Variants in TAF1B observed in about 807,000 individuals in gnomAD.
The protein encoded by TAF1B is TATA box-binding protein-associated factor RNA polymerase I subunit B.
A neutral mutation model predicts 83.9 loss-of-function variants in TAF1B; 61 were observed. The observed-to-expected ratio is 0.73, with a 90% CI of 0.59 to 0.90. TAF1B has a LOEUF of 0.90. TAF1B is among the 40% of genes least tolerant of loss of function. The pLI, the probability that TAF1B is intolerant of heterozygous loss-of-function variation, is 0.00. For synonymous variants in TAF1B, 221 were observed against 224.6 expected (o/e 0.98, Z 0.14); for missense variants, 625 against 677.0 (o/e 0.92, Z 0.85).
Position 9,890,488 on chromosome 2 carries a change from A to T in TAF1B, c.807+7683A>T, listed in dbSNP as rs184139124. On this transcript the variant is annotated intron_variant, in intron 8 of 14. Coordinates refer to ENST00000263663, the MANE Select transcript of TAF1B (RefSeq NM_005680.3). ...GCTCACTCATTCTTGGATTTTTTTA[A>T]AAAAAAATTGTAGTCTCTGTTCATG... Among the ~76,000 whole-genome samples the T allele has an allele frequency of 7.0e-3, 1,072 of 152,110 alleles. 10 individuals are homozygous for T. Among genetic ancestry groups the T allele is most frequent in the South Asian group, 0.018 (88 of 4,818 alleles).
At chr2:9,855,682 CA>C (rs890059001) in intron 5 of TAF1B, among the ~76,000 whole-genome samples, 4 of 149,726 alleles carry the variant, frequency 2.7e-5, no homozygotes, top group African/African-American at 9.8e-5. Context: ...AGACTTGTCT[CA>C]AAAAAAAAGA....
At position 9,920,586 on chromosome 2, in the gene TAF1B, C is replaced by T. The variant is rs60811376; in HGVS notation, c.1565+766C>T. ...GGCGTCTGTAGACTGGGGCGGGGGGCGGGGGGTCCATTTGCCCCTCAGGTG... is the reference window on the plus strand; with the variant it reads ...GGCGTCTGTAGACTGGGGCGGGGGGTGGGGGGTCCATTTGCCCCTCAGGTG... On this transcript the variant is annotated intron_variant, in intron 14 of 14. Coordinates refer to ENST00000263663, the MANE Select transcript of TAF1B (RefSeq NM_005680.3). Among the ~76,000 whole-genome samples the T allele has an allele frequency of 2.3e-3, 261 of 113,294 alleles. 1 individual carries two copies. The highest frequency in any genetic ancestry group is 2.0e-3 in the Non-Finnish European group (112 of 56,468). The allele number at this position is 113,294 out of a possible 152,430, so 74.3% of individuals were successfully genotyped here.
chr2:9,885,321 A>G (rs903816332), intron 8 of TAF1B, among the ~76,000 whole-genome samples: 21 of 152,256 alleles, frequency 1.4e-4, no homozygotes, highest in African/African-American at 4.8e-4. Context: ...ATGAGATCAC[A>G]GATGTCAAAG....
chr2:9,856,246 T>C (rs1179631661), intron 5 of TAF1B, among the ~76,000 whole-genome samples: 3 of 150,518 alleles, frequency 2.0e-5, no homozygotes, highest in Admixed American at 1.3e-4. Flanking sequence ...TACGGGATAG[T>C]GATGGTTAAA....
intron 8 of TAF1B, among the ~76,000 whole-genome samples, chr2:9,900,648 T>A (rs115516492): frequency 1.4e-3 from 215 of 152,000 alleles, no homozygotes; most frequent in African/African-American, 4.4e-3. Context: ...TGGGGTAGAG[T>A]TGTTAAAGTG....
chr2:9,850,297 G>A (rs1182860078), intron 3 of TAF1B, among the ~76,000 whole-genome samples: 1 of 152,070 alleles, frequency 6.6e-6, no homozygotes, highest in Non-Finnish European at 1.5e-5. Flanking sequence ...TAGGTGTTAA[G>A]TATCTTATAG....
chr2:9,860,283 T>C (rs567511454), intron 5 of TAF1B, among the ~76,000 whole-genome samples: 1 of 152,318 alleles, frequency 6.6e-6, no homozygotes, highest in Non-Finnish European at 1.5e-5. Context: ...AAGTCTGCAG[T>C]TCAGGAGAGA....
chr2:9,920,645 G>A (rs183096618), intron 14 of TAF1B, among the ~76,000 whole-genome samples: 19 of 152,088 alleles, frequency 1.2e-4, no homozygotes, highest in Non-Finnish European at 2.2e-4. Flanking sequence ...GTGCTGTGTC[G>A]TTTTTCCACA....
chr2:9,911,458 C>G, intron 10 of TAF1B, 53 bp from the exon 11 acceptor site: 1 of 1,359,406 alleles, frequency 7.4e-7, no homozygotes, highest in Non-Finnish European at 1.0e-6. Flanking sequence ...CAGAATTTAT[C>G]TTTCCAAATA....
intron 3 of TAF1B, among the ~76,000 whole-genome samples, chr2:9,849,809 T>C (rs541843145): frequency 1.3e-5 from 2 of 152,194 alleles, no homozygotes; most frequent in African/African-American, 4.8e-5. Context: ...TCAACATGAG[T>C]GTGCTTTGAA....
chr2:9,848,639 C>G (rs1297117520), intron 2 of TAF1B, among the ~76,000 whole-genome samples: 1 of 150,978 alleles, frequency 6.6e-6, no homozygotes, highest in Non-Finnish European at 1.5e-5. Context: ...GCACTCCAGC[C>G]TGGGCGACGA....
chr2:9,879,632 T>C (rs1015452889), intron 7 of TAF1B, among the ~76,000 whole-genome samples: 2 of 152,026 alleles, frequency 1.3e-5, no homozygotes, highest in Non-Finnish European at 2.9e-5. Context: ...GCAAGAGCTG[T>C]GTGATGAAGG....
chr2:9,866,073 A>G (rs1250991757), intron 5 of TAF1B, among the ~76,000 whole-genome samples: 2 of 151,320 alleles, frequency 1.3e-5, no homozygotes, highest in Non-Finnish European at 3.0e-5. Context: ...AACAAAAGCC[A>G]AAATTGACAA....
rs140178323 is a variant in TAF1B, at chr2:9,851,836, A to C, written c.303+198A>C. 1.5e-4 allele frequency: 95 copies of C among 648,620 alleles called. No individual in the cohort carries two copies. In the African/African-American group the frequency reaches 1.6e-3, roughly 11 times the overall value. The allele number at this position is 648,620 out of a possible 1,614,324, so 40.2% of individuals were successfully genotyped here. ...TCTACAGGATGTAAATAAGCAATAC[A>C]TCCAAAAGAAAAATTTAAAGGTTTT... On this transcript the variant is annotated intron_variant, in intron 4 of 14. Transcript: ENST00000263663.
chr2:9,895,705 G>C (rs1244018143), intron 8 of TAF1B, among the ~76,000 whole-genome samples: 6 of 151,816 alleles, frequency 4.0e-5, no homozygotes, highest in Non-Finnish European at 8.8e-5. Context: ...TTGTTATGGA[G>C]AGTCTTGATA....
chr2:9,917,305 G>T (rs1321551805), intron 12 of TAF1B, among the ~76,000 whole-genome samples: 1 of 152,126 alleles, frequency 6.6e-6, no homozygotes, highest in Non-Finnish European at 1.5e-5. Flanking sequence ...TTTGCTAAAT[G>T]ATATTACTAA....
rs774610944 is a variant in TAF1B at position 9,843,563 on chromosome 2, A to G, written c.18+4A>G. 6.6e-6 allele frequency: 10 copies of G among 1,520,948 alleles called. No individual in the cohort carries two copies. The highest frequency in any genetic ancestry group is 2.0e-4 in the Middle Eastern group (1 of 5,072). The allele number at this position is 1,520,948 out of a possible 1,614,324, so 94.2% of individuals were successfully genotyped here. Reference sequence around the variant, plus strand: ...CGCGATGGACCTCGAGGAGGCGGTAAGGAGGCGGTGCACCTGGCGGGCCAC... The same window carrying G: ...CGCGATGGACCTCGAGGAGGCGGTAGGGAGGCGGTGCACCTGGCGGGCCAC... On this transcript the variant is annotated splice_donor_region_variant and intron_variant, in intron 1 of 14. Transcript: ENST00000263663.
At chr2:9,910,602 G>A in intron 9 of TAF1B, 134 bp from the exon 10 acceptor site, 1 of 661,766 alleles carries the variant, frequency 1.5e-6, no homozygotes, top group Non-Finnish European at 2.4e-6. Context: ...ATGTTTTGAT[G>A]TTTTATTCAC....
chr2:9,904,040 C>G (rs1316540341), intron 8 of TAF1B, among the ~76,000 whole-genome samples: 2 of 152,184 alleles, frequency 1.3e-5, no homozygotes, highest in Non-Finnish European at 2.9e-5. Context: ...TTAGTTTTAT[C>G]TGTTCCTTTT....
Sources: gnomAD v4.1 joint callset for allele counts (sites outside exome capture counted in the v4.1 genomes callset) on GRCh38, gnomAD v4.1.1 for gene constraint, MANE v1.5 for transcripts, NCBI Gene and HGNC (gene_info 2026-07-23, HGNC 2026-07-21) for gene names.